Variants in LHFPL3 observed in about 807,000 individuals in gnomAD.
The protein encoded by LHFPL3 is LHFPL tetraspan subfamily member 3.
Under a neutral mutation model 19.3 loss-of-function variants are expected in LHFPL3, and 5 were observed. That is an observed-to-expected ratio of 0.26 (90% CI 0.14 to 0.54). LHFPL3 has a LOEUF of 0.54. LHFPL3 is among the 20% of genes least tolerant of loss of function. The probability of loss-of-function intolerance (pLI) is 0.94; values close to 1 mark genes in which losing one functional copy is unlikely to be tolerated. For missense variants in LHFPL3, 249 were observed against 307.4 expected, an observed-to-expected ratio of 0.81 and a Z score of 1.42; for synonymous variants, 133 against 126.2, an observed-to-expected ratio of 1.05 and a Z score of -0.36.
chr7:104,841,120 C>T (rs1791193845), intron 2 of LHFPL3, among the ~76,000 whole-genome samples: 1 of 152,148 alleles, frequency 6.6e-6, no homozygotes, highest in South Asian at 2.1e-4. Flanking sequence ...CAGCAAGCCT[C>T]GGCTGCCTTT....
chr7:104,607,943 T>C (rs1422339705), intron 1 of LHFPL3, among the ~76,000 whole-genome samples: 1 of 151,784 alleles, frequency 6.6e-6, no homozygotes, highest in African/African-American at 2.4e-5. Flanking sequence ...AAAACCACAA[T>C]GAGATACCAT....
chr7:104,694,604 A>AAAT (rs747347681), intron 1 of LHFPL3, among the ~76,000 whole-genome samples: 196 of 152,338 alleles, frequency 1.3e-3, no homozygotes, highest in Non-Finnish European at 2.3e-3. Flanking sequence ...ACAGAATGAA[A>AAAT]AATACAGAGT....
intron 1 of LHFPL3, among the ~76,000 whole-genome samples, chr7:104,493,949 T>C (rs1000025472): frequency 2.0e-5 from 3 of 152,160 alleles, no homozygotes; most frequent in African/African-American, 7.2e-5. Flanking sequence ...ACAGAATAAT[T>C]TATACTAAAA....
chr7:104,763,207 G>A (rs777185597), intron 2 of LHFPL3, among the ~76,000 whole-genome samples: 4 of 152,192 alleles, frequency 2.6e-5, no homozygotes, highest in Admixed American at 1.3e-4. Context: ...AAGAGGGCAG[G>A]AGAGACACTG....
chr7:104,554,287 A>G (rs1463095376), intron 1 of LHFPL3, among the ~76,000 whole-genome samples: 1 of 152,090 alleles, frequency 6.6e-6, no homozygotes. Context: ...TAATAATGTT[A>G]TAATTATTTT....
At chr7:104,772,041 G>A (rs1219575778) in intron 2 of LHFPL3, among the ~76,000 whole-genome samples, 2 of 151,718 alleles carry the variant, frequency 1.3e-5, no homozygotes, top group Non-Finnish European at 2.9e-5. Flanking sequence ...GAATGGTCTC[G>A]ATCTCTTGAC....
chr7:104,864,289 C>T (rs138625604), intron 2 of LHFPL3, among the ~76,000 whole-genome samples: 1 of 152,032 alleles, frequency 6.6e-6, no homozygotes, highest in Non-Finnish European at 1.5e-5. Flanking sequence ...TGCAGTGCAC[C>T]GAGCATGAGC....
intron 1 of LHFPL3, among the ~76,000 whole-genome samples, chr7:104,734,427 C>G (rs373387656): frequency 6.6e-6 from 1 of 152,218 alleles, no homozygotes; most frequent in East Asian, 1.9e-4. Flanking sequence ...TCTTTTTATT[C>G]TTTTTTCTCT....
chr7:104,673,381 T>TG (rs1792524632), intron 1 of LHFPL3, among the ~76,000 whole-genome samples: 2 of 152,244 alleles, frequency 1.3e-5, no homozygotes, highest in Admixed American at 1.3e-4. Flanking sequence ...CGTCTAACAC[T>TG]TTTTGGAAGA....
chr7:104,614,220 G>A (rs1791264974), intron 1 of LHFPL3, among the ~76,000 whole-genome samples: 1 of 152,150 alleles, frequency 6.6e-6, no homozygotes. Flanking sequence ...GTCTTGGTCA[G>A]GGCCTTTCTG....
At chr7:104,344,990 G>C (rs1790036056) in intron 1 of LHFPL3, among the ~76,000 whole-genome samples, 2 of 152,218 alleles carry the variant, frequency 1.3e-5, no homozygotes, top group South Asian at 4.1e-4. Flanking sequence ...TCAAATGTCT[G>C]TTTTTGGAAC....
intron 1 of LHFPL3, among the ~76,000 whole-genome samples, chr7:104,496,175 C>A (rs36200557): frequency 0.11 from 16,019 of 152,006 alleles, 893 homozygotes; most frequent in East Asian, 0.11. Flanking sequence ...TGTGTCCATG[C>A]GTTCTCGTTG....
chr7:104,450,152 A>G (rs1584327667), intron 1 of LHFPL3, among the ~76,000 whole-genome samples: 1 of 152,138 alleles, frequency 6.6e-6, no homozygotes, highest in Non-Finnish European at 1.5e-5. Flanking sequence ...TAGGGAAAAA[A>G]TTTCCTGAGC....
At chr7:104,391,191 A>T (rs1791059620) in intron 1 of LHFPL3, among the ~76,000 whole-genome samples, 1 of 152,156 alleles carries the variant, frequency 6.6e-6, no homozygotes, top group Non-Finnish European at 1.5e-5. Context: ...TAGTTTAATT[A>T]GATCCCATTT....
chr7:104,697,938 A>G (rs534872458), intron 1 of LHFPL3, among the ~76,000 whole-genome samples: 9 of 152,284 alleles, frequency 5.9e-5, no homozygotes, highest in African/African-American at 1.9e-4. Flanking sequence ...AATTTAAATT[A>G]TTATCTTTAC....
chr7:104,555,820 C>A (rs1354319657), intron 1 of LHFPL3, among the ~76,000 whole-genome samples: 3 of 152,170 alleles, frequency 2.0e-5, no homozygotes, highest in Non-Finnish European at 4.4e-5. Flanking sequence ...CACCTATGAG[C>A]CTGTAAAATC....
intron 1 of LHFPL3, among the ~76,000 whole-genome samples, chr7:104,704,524 C>CT (rs200846185): frequency 3.5e-4 from 51 of 146,680 alleles, no homozygotes; most frequent in South Asian, 6.6e-4. Context: ...GGATAGAGTA[C>CT]TTTTTTTTTT....
At chr7:104,527,728 C>G (rs866068489) in intron 1 of LHFPL3, among the ~76,000 whole-genome samples, 8 of 152,084 alleles carry the variant, frequency 5.3e-5, no homozygotes, top group Non-Finnish European at 2.9e-5. Context: ...CCAAGAAGGA[C>G]CCTTTGAAAG....
chr7:104,415,528 CA>C (rs1490831516), intron 1 of LHFPL3, among the ~76,000 whole-genome samples: 2 of 152,066 alleles, frequency 1.3e-5, no homozygotes, highest in Admixed American at 6.6e-5. Context: ...ATATGAAAGA[CA>C]ATTGTGAAAA....
Sources: allele counts gnomAD v4.1 joint callset (sites outside exome capture counted in the v4.1 genomes callset), GRCh38; gene constraint gnomAD v4.1.1; transcripts MANE v1.5; gene names NCBI Gene and HGNC (gene_info 2026-07-23, HGNC 2026-07-21).